The following TXNL4A variants were observed in gnomAD, a reference collection of about 807,000 sequenced individuals.
TXNL4A encodes the protein thioredoxin like 4A, also known as thioredoxin-like protein 4A.
Under a neutral mutation model 14.6 loss-of-function variants are expected in TXNL4A, and 17 were observed. The observed-to-expected ratio is 1.16, with a 90% CI of 0.80 to 1.74. The LOEUF (loss-of-function observed/expected upper bound fraction) is 1.74. TXNL4A is among the 40% of genes most tolerant of loss of function. TXNL4A has a pLI of 0.00. For missense variants in TXNL4A, 74 were observed against 195.2 expected (o/e 0.38, Z 3.70); for synonymous variants, 83 against 70.6 (o/e 1.18, Z -0.88).
intron 1 of TXNL4A, among the ~76,000 whole-genome samples, chr18:80,003,133 C>T (rs2051708341): frequency 6.6e-6 from 1 of 152,264 alleles, no homozygotes; most frequent in African/African-American, 2.4e-5. Context: ...GCTGTCTTGG[C>T]TCCTGGGTGG....
rs1408962016 is a variant in TXNL4A, at chr18:79,972,718, C to A, written c.*967G>T. ...GACTTCGTGATCTGCCCACCTCGGC[C>A]TCCCAAAGTGCTGGGATTACAGGTG... On this transcript the variant is annotated 3_prime_UTR_variant, in exon 3 of 3. Transcript: ENST00000269601. The A allele has an allele frequency of 6.6e-6, 1 of 152,236 alleles. No homozygotes were observed. The highest frequency in any genetic ancestry group is 1.5e-5 in the Non-Finnish European group (1 of 68,078). The allele number at this position is 152,236 out of a possible 1,614,324, so 9.4% of individuals were successfully genotyped here.
chr18:79,977,189 C>T, intron 2 of TXNL4A: 1 of 268,434 alleles, frequency 3.7e-6, no homozygotes, highest in Non-Finnish European at 7.1e-6. Flanking sequence ...GAACTCCTGA[C>T]CTTGTGATCC....
rs202234382 is a variant in TXNL4A at position 79,973,668 on chromosome 18, C to A, written c.*17G>T. The A allele has an allele frequency of 6.2e-7, 1 of 1,601,678 alleles. No individual in the cohort carries two copies. The highest frequency in any genetic ancestry group is 1.7e-4 in the Middle Eastern group (1 of 5,976). On this transcript the variant is annotated 3_prime_UTR_variant, in exon 3 of 3. Transcript: ENST00000269601. ...AAAAGGGCTCCACGACATTTATCCG[C>A]GCAGACTGAGGGCGCCTCAGTAGCG...
At position 80,018,406 on chromosome 18, in the gene TXNL4A, T is replaced by C. The variant is rs2051826521; in HGVS notation, c.-61+15445A>G. ...CACGAAAGATCCAAAATTGACACGC[T>C]AACATCGCAATTAAAAGAACTAGAA... On this transcript the variant is annotated intron_variant, in intron 1 of 2. Transcript: ENST00000585474. Among the ~76,000 whole-genome samples the C allele has an allele frequency of 2.0e-5, 3 of 151,976 alleles. No individual in the cohort carries two copies. The South Asian group carries it at 6.2e-4, about 32-fold the overall frequency.
chr18:80,013,317 T>C (rs2051784685), intron 1 of TXNL4A, among the ~76,000 whole-genome samples: 1 of 149,608 alleles, frequency 6.7e-6, no homozygotes, highest in South Asian at 2.1e-4. Context: ...AGAGACGGGG[T>C]TTCACCATGT....
At chr18:79,981,270 A>C (rs544718564) in intron 1 of TXNL4A, among the ~76,000 whole-genome samples, 1 of 152,400 alleles carries the variant, frequency 6.6e-6, no homozygotes, top group South Asian at 2.1e-4. Context: ...TGTGTACTTA[A>C]GAAAAAAGAA....
Position 79,993,864 on chromosome 18 carries a change from G to C in TXNL4A, c.-60-16163C>G, listed in dbSNP as rs2145097056. Among the ~76,000 whole-genome samples, 1 of 152,262 alleles carries C rather than the reference G, an allele frequency of 6.6e-6. No individual in the cohort carries two copies. Among genetic ancestry groups the C allele is most frequent in the East Asian group, 1.9e-4 (1 of 5,182 alleles). ...GCTTAAGGTCTAATCTCATCTGGTA[G>C]GTGCATATAAGGAGCTGACCCTTCC... On this transcript the variant is annotated intron_variant, in intron 1 of 2. Coordinates refer to the TXNL4A transcript ENST00000585474. This position sits in a 1 kb window ranked among gnomAD's most constrained non-coding sequence, Gnocchi z 4.4.
rs1414697514 is a variant in TXNL4A, at chr18:79,973,595, T to C, written c.*90A>G. ...CTCAGAGGTGCTCCAGCCCTGGAGCTTCCTGTATTTTCCAAAGGCTTTAAA... is the reference window on the plus strand; with the variant it reads ...CTCAGAGGTGCTCCAGCCCTGGAGCCTCCTGTATTTTCCAAAGGCTTTAAA... On this transcript the variant is annotated 3_prime_UTR_variant, in exon 3 of 3. Transcript: ENST00000269601. 1.0e-5 allele frequency: 15 copies of C among 1,494,712 alleles called. No individual in the cohort carries two copies. The highest frequency in any genetic ancestry group is 1.3e-5 in the Non-Finnish European group (15 of 1,117,956). The allele number at this position is 1,494,712 out of a possible 1,614,324, so 92.6% of individuals were successfully genotyped here. A position where few individuals can be genotyped will look rare whatever the true frequency, so the allele number is the denominator to read the frequency against.
At position 79,997,378 on chromosome 18, in the gene TXNL4A, T is replaced by TAAAACA. The variant is rs1477407550; in HGVS notation, c.-60-19683_-60-19678dup. Among the ~76,000 whole-genome samples, 68 of 142,952 alleles carry TAAAACA rather than the reference T, an allele frequency of 4.8e-4. 4 individuals are homozygous for TAAAACA. Among genetic ancestry groups the TAAAACA allele is most frequent in the Admixed American group, 7.0e-5 (1 of 14,350 alleles). 93.8% of individuals were successfully genotyped at this position (142,952 alleles called of 152,430 possible). A position where few individuals can be genotyped will look rare whatever the true frequency, so the allele number is the denominator to read the frequency against. On this transcript the variant is annotated intron_variant, in intron 1 of 2. Transcript: ENST00000585474. ...CCCTGCAACAGCCCCATATTCCCTGTAAAACAAAAACAAAAACAAAAAAAA... is the reference window on the plus strand; with the variant it reads ...CCCTGCAACAGCCCCATATTCCCTGTAAAACAAAAACAAAAACAAAAACAAAAAAAA...
intron 1 of TXNL4A, among the ~76,000 whole-genome samples, chr18:80,028,813 T>C (rs1382815192): frequency 1.3e-5 from 2 of 152,202 alleles, no homozygotes; most frequent in Non-Finnish European, 2.9e-5. Context: ...ACGGAGGATA[T>C]TTAGCCTCCT....
At chr18:80,028,408 C>T (rs1439912265) in intron 1 of TXNL4A, among the ~76,000 whole-genome samples, 4 of 151,038 alleles carry the variant, frequency 2.6e-5, no homozygotes, top group Non-Finnish European at 5.9e-5. Context: ...TACCATCTTC[C>T]AATATTACTA....
intron 1 of TXNL4A, among the ~76,000 whole-genome samples, chr18:80,028,993 C>T (rs2051903459): frequency 6.6e-6 from 1 of 152,196 alleles, no homozygotes; most frequent in South Asian, 2.1e-4. Context: ...GAGCCACCAG[C>T]CCCAATCCAG....
At chr18:79,980,899 G>T (rs2051454233) in intron 1 of TXNL4A, among the ~76,000 whole-genome samples, 1 of 152,204 alleles carries the variant, frequency 6.6e-6, no homozygotes, top group Admixed American at 6.5e-5. Flanking sequence ...TTAGACATGG[G>T]CCCCTCTGAG....
At chr18:80,008,266 T>C (rs2051745957) in intron 1 of TXNL4A, among the ~76,000 whole-genome samples, 1 of 152,240 alleles carries the variant, frequency 6.6e-6, no homozygotes, top group Non-Finnish European at 1.5e-5. Context: ...CTCTCATTCA[T>C]GGGAAGTTAT....
chr18:79,974,522 T>C (rs913884899), intron 2 of TXNL4A, among the ~76,000 whole-genome samples: 4 of 152,236 alleles, frequency 2.6e-5, no homozygotes, highest in African/African-American at 9.6e-5. Flanking sequence ...CTTTTTGAGA[T>C]GGGGTCTCAC....
intron 2 of TXNL4A, among the ~76,000 whole-genome samples, chr18:79,977,141 TAG>T (rs1015215277): frequency 1.3e-5 from 2 of 152,110 alleles, no homozygotes; most frequent in African/African-American, 4.8e-5. Flanking sequence ...GTATTTTTAG[TAG>T]AGACTCGGTT....
At chr18:80,033,240 C>CACACATATACATGTCCACACAA (rs2051936571) in intron 1 of TXNL4A, among the ~76,000 whole-genome samples, 1 of 152,018 alleles carries the variant, frequency 6.6e-6, no homozygotes, top group Non-Finnish European at 1.5e-5. Context: ...TGTCCACACA[C>CACACATATACATGTCCACACAA]ATGCACACAC....
At chr18:79,981,566 G>A (rs1288603903) in intron 1 of TXNL4A, among the ~76,000 whole-genome samples, 2 of 152,184 alleles carry the variant, frequency 1.3e-5, no homozygotes, top group Middle Eastern at 3.2e-3. Context: ...CAGCTACTTG[G>A]GAGGCTGAGG....
chr18:79,997,653 C>T (rs575314530), intron 1 of TXNL4A, among the ~76,000 whole-genome samples: 1 of 152,132 alleles, frequency 6.6e-6, no homozygotes, highest in Admixed American at 6.5e-5. Flanking sequence ...AGGGTATACA[C>T]AAAGTCCCAC....
Sources: gnomAD v4.1 joint callset for allele counts (sites outside exome capture counted in the v4.1 genomes callset) on GRCh38, gnomAD v4.1.1 for gene constraint, Gnocchi (gnomAD v3.1) non-coding constraint, MANE v1.5 for transcripts, NCBI Gene and HGNC (gene_info 2026-07-23, HGNC 2026-07-21) for gene names.